TTC27: variants seen among roughly 807,000 people sequenced by gnomAD.
TTC27 encodes tetratricopeptide repeat domain 27, also known as tetratricopeptide repeat protein 27.
TTC27 carries 79 observed loss-of-function variants against 115.9 expected under a neutral mutation model. That is an observed-to-expected ratio of 0.68 (90% CI 0.57 to 0.82). TTC27 has a LOEUF of 0.82. Ranked by LOEUF, TTC27 falls within the 40% of genes least tolerant of loss-of-function variation. The pLI, the probability that TTC27 is intolerant of heterozygous loss-of-function variation, is 0.00. For synonymous variants in TTC27, 401 were observed against 356.0 expected, an observed-to-expected ratio of 1.13 and a Z score of -1.42; for missense variants, 1,054 against 993.1, an observed-to-expected ratio of 1.06 and a Z score of -0.82.
chr2:32,817,692 A>G, intron 19 of TTC27, 135 bp downstream of exon 19: 4 of 767,106 alleles, frequency 5.2e-6, no homozygotes, highest in South Asian at 1.7e-5. Flanking sequence ...CAGCCCCCTC[A>G]TGGTTGGTTG....
chr2:32,721,489 G>A (rs370931105), intron 10 of TTC27, among the ~76,000 whole-genome samples: 65 of 152,146 alleles, frequency 4.3e-4, no homozygotes, highest in East Asian at 1.2e-3. Context: ...GAAGGTTGTT[G>A]TCACAGTAGC....
chr2:32,735,436 A>G (rs1668423142), intron 11 of TTC27, among the ~76,000 whole-genome samples: 1 of 152,190 alleles, frequency 6.6e-6, no homozygotes, highest in Non-Finnish European at 1.5e-5. Flanking sequence ...CTTTTTCTGA[A>G]CAGAAACATT....
intron 7 of TTC27, 98 bp downstream of exon 7, chr2:32,666,866 C>A: frequency 7.4e-7 from 1 of 1,344,558 alleles, no homozygotes; most frequent in South Asian, 1.7e-5. Flanking sequence ...TGGGGACAGA[C>A]TTCATTTTAT....
intron 8 of TTC27, among the ~76,000 whole-genome samples, chr2:32,678,182 G>C (rs1666283140): frequency 6.6e-6 from 1 of 151,282 alleles, no homozygotes. Flanking sequence ...TTGAACTCAG[G>C]AGGTGGAGGT....
Position 32,817,257 on chromosome 2 carries a change from AAAGAAG to A in TTC27, c.2309-184_2309-179del, listed in dbSNP as rs566041116. The stretch of plus-strand genomic sequence containing the variant: ...TGAGACCCTGTATCTTAAAAAAAAA[AAAGAAG>A]AAGAAGAAGAAGAAGGATAAAGGGA... On this transcript the variant is annotated intron_variant, in intron 18 of 19. Coordinates refer to ENST00000317907, the MANE Select transcript of TTC27 (RefSeq NM_017735.5). Among the ~76,000 whole-genome samples the A allele has an allele frequency of 2.5e-3, 382 of 151,962 alleles. 2 individuals carry two copies. Among genetic ancestry groups the A allele is most frequent in the African/African-American group, 7.9e-3 (326 of 41,448 alleles).
rs1441189499 is a variant in TTC27 at position 32,651,466 on chromosome 2, C to T, written c.640+1233C>T. Among the ~76,000 whole-genome samples, 5 of 152,188 alleles carry T rather than the reference C, an allele frequency of 3.3e-5. No individual in the cohort carries two copies. The East Asian group carries it at 9.6e-4, about 29-fold the overall frequency. ...GGTTCAAACAATTCTCCTGCCTCAG[C>T]CTCCTGAGTAGCTGGGATTACAGGC... On this transcript the variant is annotated intron_variant, in intron 5 of 19. Coordinates refer to ENST00000317907, the MANE Select transcript of TTC27 (RefSeq NM_017735.5).
chr2:32,818,021 C>T (rs962913783), intron 19 of TTC27, among the ~76,000 whole-genome samples: 1 of 151,584 alleles, frequency 6.6e-6, no homozygotes, highest in African/African-American at 2.4e-5. Flanking sequence ...TGCACCACTG[C>T]ACTTCAGCCT....
At chr2:32,633,452 A>G (rs1664290561) in intron 2 of TTC27, among the ~76,000 whole-genome samples, 1 of 152,018 alleles carries the variant, frequency 6.6e-6, no homozygotes, top group African/African-American at 2.4e-5. Flanking sequence ...TCGCTTTATC[A>G]TCTAGGCTGG....
intron 13 of TTC27, among the ~76,000 whole-genome samples, chr2:32,759,643 T>C (rs1669366113): frequency 6.6e-6 from 1 of 152,182 alleles, no homozygotes; most frequent in Non-Finnish European, 1.5e-5. Flanking sequence ...GTTAGGTACA[T>C]TCCCATTGTT....
chr2:32,728,037 CTTTTTT>C lies in TTC27; in HGVS notation c.1234-5774_1234-5769del, dbSNP rs564322443. On this transcript the variant is annotated intron_variant, in intron 10 of 19. Coordinates refer to ENST00000317907, the MANE Select transcript of TTC27 (RefSeq NM_017735.5). ...TCTGGGCCTCCTGAGAGGACTGCCT[CTTTTTT>C]TTTTTTTTTTTTTTTTGGAGACAGA... 3.8e-5 allele frequency among the ~76,000 whole-genome samples: 4 copies of C among 105,336 alleles called. No homozygotes were observed. The South Asian group carries it at 9.6e-4, about 25-fold the overall frequency. 69.1% of individuals were successfully genotyped at this position (105,336 alleles called of 152,430 possible).
In TTC27 at chr2:32,812,448, G is replaced by A. The variant is rs112431882; in HGVS notation, c.2197-56G>A. 3,827 of 1,329,578 alleles carry A rather than the reference G, an allele frequency of 2.9e-3. 81 individuals are homozygous for A. In the African/African-American group the frequency reaches 0.049, roughly 17 times the overall value. 82.4% of individuals were successfully genotyped at this position (1,329,578 alleles called of 1,614,324 possible). On this transcript the variant is annotated intron_variant, in intron 17 of 19. Transcript: ENST00000317907. Reference sequence around the variant, plus strand: ...TTCCATATGACTTCCAGGAAACAGAGTTTGAAATGTGAATTCTACTTGTTA... The same window carrying A: ...TTCCATATGACTTCCAGGAAACAGAATTTGAAATGTGAATTCTACTTGTTA...
rs1671299126 is a variant in TTC27 at position 32,811,060 on chromosome 2, A to G, written c.2035A>G (p.Met679Val). The G allele has an allele frequency of 6.2e-7, 1 of 1,614,092 alleles. No individual in the cohort carries two copies. Among genetic ancestry groups the G allele is most frequent in the Non-Finnish European group, 8.5e-7 (1 of 1,180,026 alleles). Residue 679 changes from methionine (M) to valine (V), a missense_variant, in exon 17 of 20, where the codon ATG becomes GTG. Transcript: ENST00000317907. ...KILVRAVIDG[M>V]TDRSGDVATG... Reference sequence around the variant, plus strand: ...TCTAGTCAGGGCAGTGATTGATGGGATGACTGATCGAAGTGGAGATGTTGC... The same window carrying G: ...TCTAGTCAGGGCAGTGATTGATGGGGTGACTGATCGAAGTGGAGATGTTGC...
At chr2:32,636,024 A>G (rs190983574) in intron 3 of TTC27, among the ~76,000 whole-genome samples, 8 of 152,302 alleles carry the variant, frequency 5.3e-5, no homozygotes, top group Non-Finnish European at 1.2e-4. Flanking sequence ...AAATGATTGT[A>G]GCAGTTAAAG....
At chr2:32,636,914 G>A (rs1400077588) in intron 3 of TTC27, among the ~76,000 whole-genome samples, 1 of 152,174 alleles carries the variant, frequency 6.6e-6, no homozygotes, top group Non-Finnish European at 1.5e-5. Flanking sequence ...CAGGAATTTA[G>A]AGGAGAGGAC....
At chr2:32,680,001 A>T (rs191805411) in intron 9 of TTC27, among the ~76,000 whole-genome samples, 83 of 152,282 alleles carry the variant, frequency 5.5e-4, no homozygotes, top group Middle Eastern at 3.4e-3. Flanking sequence ...AAACAAAACA[A>T]AACACAACAA....
chr2:32,703,999 G>A (rs919621487), intron 10 of TTC27, among the ~76,000 whole-genome samples: 8 of 152,168 alleles, frequency 5.3e-5, no homozygotes, highest in African/African-American at 1.9e-4. Context: ...CAGAAGAGTG[G>A]AAGAGAGTGA....
At chr2:32,723,935 G>A (rs977176631) in intron 10 of TTC27, among the ~76,000 whole-genome samples, 7 of 142,140 alleles carry the variant, frequency 4.9e-5, no homozygotes, top group African/African-American at 1.3e-4. Context: ...AAAGTGTTAC[G>A]ATTAAAGGCA....
chr2:32,780,137 C>A, intron 14 of TTC27: 1 of 459,836 alleles, frequency 2.2e-6, no homozygotes. Context: ...TTTGTTCTTC[C>A]TTTACAAGAT....
intron 5 of TTC27, among the ~76,000 whole-genome samples, chr2:32,658,743 CCTTGTTA>C (rs1225078448): frequency 6.6e-6 from 1 of 151,996 alleles, no homozygotes; most frequent in African/African-American, 2.4e-5. Flanking sequence ...TGTTAGACAC[CCTTGTTA>C]CTTGTTACTT....
Sources: gnomAD v4.1 joint callset for allele counts (sites outside exome capture counted in the v4.1 genomes callset) on GRCh38, gnomAD v4.1.1 for gene constraint, MANE v1.5 for transcripts, NCBI Gene and HGNC (gene_info 2026-07-23, HGNC 2026-07-21) for gene names.